CERS6: variants seen among roughly 807,000 people sequenced by gnomAD.
CERS6 encodes the protein LAG1 homolog, ceramide synthase 6.
A neutral mutation model predicts 56.8 loss-of-function variants in CERS6; 26 were observed. The ratio of observed to expected loss-of-function variants is 0.46; its 90% confidence interval spans 0.34 to 0.63. The LOEUF (loss-of-function observed/expected upper bound fraction) is 0.63. Ranked by LOEUF, CERS6 falls within the 30% of genes least tolerant of loss-of-function variation. The probability of loss-of-function intolerance (pLI) is 0.01; values close to 1 mark genes in which losing one functional copy is unlikely to be tolerated. For missense variants in CERS6, 415 were observed against 467.5 expected, an observed-to-expected ratio of 0.89 and a Z score of 1.04; for synonymous variants, 164 against 173.3, an observed-to-expected ratio of 0.95 and a Z score of 0.42.
At chr2:168,555,722 C>CTCTCTG (rs1261403157) in intron 2 of CERS6, among the ~76,000 whole-genome samples, 32 of 141,010 alleles carry the variant, frequency 2.3e-4, no homozygotes, top group Admixed American at 1.0e-3. Flanking sequence ...ATAATTGACT[C>CTCTCTG]TGTGTGTGTG....
chr2:168,586,643 A>G (rs576487988), intron 3 of CERS6, among the ~76,000 whole-genome samples: 4 of 152,256 alleles, frequency 2.6e-5, no homozygotes, highest in African/African-American at 7.2e-5. Flanking sequence ...TTTATTGTCC[A>G]TAAGTTTCAC....
Position 168,724,852 on chromosome 2 carries a change from C to T in CERS6, c.845+6874C>T, listed in dbSNP as rs184558848. On this transcript the variant is annotated intron_variant, in intron 8 of 9. Coordinates refer to ENST00000305747, the MANE Select transcript of CERS6 (RefSeq NM_203463.3). ...TGGCTTCACACAGTGGATCCCCCAC[C>T]GGGGCTGCAGGTGGAGCTGCCTGCC... 6.1e-3 allele frequency among the ~76,000 whole-genome samples: 931 copies of T among 152,366 alleles called. 8 individuals are homozygous for T. The highest frequency in any genetic ancestry group is 0.031 in the Middle Eastern group (9 of 294).
intron 4 of CERS6, among the ~76,000 whole-genome samples, chr2:168,664,090 G>A (rs1685698229): frequency 6.6e-6 from 1 of 152,206 alleles, no homozygotes; most frequent in Non-Finnish European, 1.5e-5. Flanking sequence ...CTGAACAGCT[G>A]CTGTTACCTC....
chr2:168,509,516 C>G (rs887120991), intron 1 of CERS6, among the ~76,000 whole-genome samples: 4 of 152,144 alleles, frequency 2.6e-5, no homozygotes, highest in African/African-American at 4.8e-5. Context: ...TGCATCCTGA[C>G]CCTGCCTCCA....
intron 1 of CERS6, among the ~76,000 whole-genome samples, chr2:168,471,165 A>G (rs550497443): frequency 3.7e-4 from 57 of 152,302 alleles, no homozygotes; most frequent in African/African-American, 1.4e-3. Flanking sequence ...GTGCTTTCAC[A>G]TCTTCTTACC....
intron 3 of CERS6, among the ~76,000 whole-genome samples, chr2:168,614,083 G>A (rs781407561): frequency 6.6e-6 from 1 of 152,230 alleles, no homozygotes; most frequent in African/African-American, 2.4e-5. Flanking sequence ...TTGACAGATT[G>A]TTAGGCTGAT....
At chr2:168,734,206 A>G (rs1004111907) in intron 8 of CERS6, among the ~76,000 whole-genome samples, 4 of 152,100 alleles carry the variant, frequency 2.6e-5, no homozygotes, top group African/African-American at 9.7e-5. Context: ...GCAAAAAGAG[A>G]TAGTGGACGT....
chr2:168,717,055 A>G (rs914786794), intron 7 of CERS6, among the ~76,000 whole-genome samples: 7 of 152,196 alleles, frequency 4.6e-5, no homozygotes, highest in African/African-American at 1.4e-4. Context: ...AATTGTTTTC[A>G]GTCTCACCTG....
intron 1 of CERS6, among the ~76,000 whole-genome samples, chr2:168,513,202 C>T (rs1485957383): frequency 2.0e-5 from 3 of 152,126 alleles, no homozygotes; most frequent in Non-Finnish European, 2.9e-5. Flanking sequence ...GTAACATTAG[C>T]ACAGAGTTCC....
intron 4 of CERS6, among the ~76,000 whole-genome samples, chr2:168,674,916 G>A (rs1686016008): frequency 6.6e-6 from 1 of 151,746 alleles, no homozygotes; most frequent in South Asian, 2.1e-4. Context: ...ATATCTATTG[G>A]TATTTATTGT....
chr2:168,591,143 A>AT (rs1683660461), intron 3 of CERS6, among the ~76,000 whole-genome samples: 1 of 152,206 alleles, frequency 6.6e-6, no homozygotes, highest in South Asian at 2.1e-4. Context: ...CTCTGTGTAT[A>AT]TTTTCCCCCT....
chr2:168,533,306 A>C (rs746734392), intron 1 of CERS6, among the ~76,000 whole-genome samples: 3 of 151,926 alleles, frequency 2.0e-5, no homozygotes, highest in African/African-American at 7.3e-5. Context: ...CTCTTTTTCT[A>C]TTGTTTGGAA....
At chr2:168,751,749 G>C (rs1343213848) in intron 8 of CERS6, among the ~76,000 whole-genome samples, 1 of 151,804 alleles carries the variant, frequency 6.6e-6, no homozygotes, top group Non-Finnish European at 1.5e-5. Flanking sequence ...GTTTTCCACT[G>C]TAAGTTCAAA....
chr2:168,468,102 A>G (rs957703959), intron 1 of CERS6, among the ~76,000 whole-genome samples: 1 of 151,978 alleles, frequency 6.6e-6, no homozygotes, highest in Non-Finnish European at 1.5e-5. Flanking sequence ...TATACTGGGG[A>G]CCTGTGGAAA....
At chr2:168,587,006 A>G (rs1242755602) in intron 3 of CERS6, among the ~76,000 whole-genome samples, 1 of 152,046 alleles carries the variant, frequency 6.6e-6, no homozygotes, top group African/African-American at 2.4e-5. Context: ...CCCTGTCTCT[A>G]CTAAAAATAC....
At chr2:168,664,384 AC>A (rs1425931189) in intron 4 of CERS6, among the ~76,000 whole-genome samples, 1 of 152,174 alleles carries the variant, frequency 6.6e-6, no homozygotes, top group African/African-American at 2.4e-5. Context: ...TGGGAGGGTT[AC>A]AAAAAAGGGG....
chr2:168,652,430 C>T (rs1007555688), intron 4 of CERS6, among the ~76,000 whole-genome samples: 5 of 152,108 alleles, frequency 3.3e-5, no homozygotes, highest in Non-Finnish European at 5.9e-5. Flanking sequence ...GATTAAGCCA[C>T]GTAGCCAACA....
At chr2:168,694,584 C>T (rs1361278360) in intron 5 of CERS6, among the ~76,000 whole-genome samples, 1 of 152,154 alleles carries the variant, frequency 6.6e-6, no homozygotes, top group African/African-American at 2.4e-5. Context: ...ACTGTCTTGT[C>T]CCTATACTTG....
intron 3 of CERS6, among the ~76,000 whole-genome samples, chr2:168,599,280 C>T (rs1315740297): frequency 6.6e-6 from 1 of 152,152 alleles, no homozygotes; most frequent in Non-Finnish European, 1.5e-5. Context: ...TCCTATTTCT[C>T]ACTCCTTTTC....
Sources: gnomAD v4.1 joint callset for allele counts (sites outside exome capture counted in the v4.1 genomes callset) on GRCh38, gnomAD v4.1.1 for gene constraint, MANE v1.5 for transcripts, NCBI Gene and HGNC (gene_info 2026-07-23, HGNC 2026-07-21) for gene names.